ROBO2: variants seen among roughly 807,000 people sequenced by gnomAD.
ROBO2 encodes roundabout homolog 2.
Under a neutral mutation model 160.8 loss-of-function variants are expected in ROBO2, and 53 were observed. The ratio of observed to expected loss-of-function variants is 0.33; its 90% CI spans 0.26 to 0.41. The LOEUF (loss-of-function observed/expected upper bound fraction) is 0.41. Ranked by LOEUF, ROBO2 falls within the 10% of genes least tolerant of loss-of-function variation. The pLI is 1.00. For synonymous variants in ROBO2, 664 were observed against 611.7 expected (o/e 1.09, Z -1.26); for missense variants, 1,577 against 1,722.4 (o/e 0.92, Z 1.49).
At chr3:76,398,234 C>G (rs1354130158) in intron 2 of ROBO2, among the ~76,000 whole-genome samples, 1 of 148,226 alleles carries the variant, frequency 6.7e-6, no homozygotes, top group African/African-American at 2.5e-5. Context: ...GAGAAAAAAC[C>G]AAACACTGCA....
intron 2 of ROBO2, among the ~76,000 whole-genome samples, chr3:76,166,107 A>G (rs77061009): frequency 0.041 from 6,227 of 152,096 alleles, 163 homozygotes; most frequent in African/African-American, 0.068. Flanking sequence ...CATACTATTG[A>G]AAAAAAATAG....
chr3:76,128,936 T>A (rs1208739248), intron 2 of ROBO2, among the ~76,000 whole-genome samples: 1 of 152,100 alleles, frequency 6.6e-6, no homozygotes, highest in East Asian at 1.9e-4. Flanking sequence ...AACTTGTGAA[T>A]AATCATTTTT....
intron 2 of ROBO2, among the ~76,000 whole-genome samples, chr3:77,244,605 C>T (rs184760122): frequency 4.3e-4 from 66 of 152,130 alleles, no homozygotes; most frequent in Non-Finnish European, 6.9e-4. Flanking sequence ...TAAGGCCAGG[C>T]GCGGTGGCTC....
At chr3:76,577,745 T>G (rs575495144) in intron 2 of ROBO2, among the ~76,000 whole-genome samples, 1 of 152,294 alleles carries the variant, frequency 6.6e-6, no homozygotes, top group South Asian at 2.1e-4. Context: ...TAGCATTTAT[T>G]TGGGTAATCT....
intron 2 of ROBO2, among the ~76,000 whole-genome samples, chr3:77,007,585 G>T (rs2061648473): frequency 6.6e-6 from 1 of 151,944 alleles, no homozygotes; most frequent in South Asian, 2.1e-4. Context: ...CTGCAATGTG[G>T]GTTTCTTAAA....
intron 2 of ROBO2, among the ~76,000 whole-genome samples, chr3:75,981,568 C>T (rs1257271490): frequency 8.2e-6 from 1 of 122,532 alleles, no homozygotes; most frequent in African/African-American, 2.7e-5. Context: ...TGATATTACA[C>T]AAGTACTGTA....
At chr3:76,124,645 T>C (rs1389350783) in intron 2 of ROBO2, among the ~76,000 whole-genome samples, 1 of 152,128 alleles carries the variant, frequency 6.6e-6, no homozygotes, top group Non-Finnish European at 1.5e-5. Context: ...GCTGGACTTC[T>C]ATGCAATGAG....
intron 2 of ROBO2, among the ~76,000 whole-genome samples, chr3:76,027,991 A>AGT (rs2066798794): frequency 1.3e-5 from 2 of 151,962 alleles, no homozygotes; most frequent in South Asian, 4.1e-4. Context: ...AGGATAGATT[A>AGT]ATATGGCTAA....
intron 2 of ROBO2, among the ~76,000 whole-genome samples, chr3:77,294,917 C>T (rs1357281323): frequency 5.3e-5 from 8 of 151,168 alleles, no homozygotes; most frequent in Non-Finnish European, 1.0e-4. Flanking sequence ...GGCTAGATCA[C>T]CCCAGACATA....
intron 2 of ROBO2, among the ~76,000 whole-genome samples, chr3:77,445,342 C>T (rs952710775): frequency 1.3e-5 from 2 of 152,126 alleles, no homozygotes; most frequent in Middle Eastern, 3.2e-3. Flanking sequence ...ATAATTGTCA[C>T]TTACCTCAAA....
chr3:76,492,599 CCTTT>C (rs1200641193), intron 2 of ROBO2, among the ~76,000 whole-genome samples: 1 of 151,852 alleles, frequency 6.6e-6, no homozygotes, highest in East Asian at 1.9e-4. Context: ...CAACTCAGTT[CCTTT>C]GTTTCTGAGT....
chr3:77,069,430 G>A (rs560449700), intron 1 of ROBO2, among the ~76,000 whole-genome samples: 42 of 152,224 alleles, frequency 2.8e-4, no homozygotes, highest in African/African-American at 8.2e-4. Context: ...ACAAAGGAAC[G>A]AAATTGGAGT....
At chr3:76,869,006 T>C (rs925303360) in intron 2 of ROBO2, among the ~76,000 whole-genome samples, 2 of 152,186 alleles carry the variant, frequency 1.3e-5, no homozygotes, top group Admixed American at 6.5e-5. Flanking sequence ...ATAACACTTA[T>C]TAAACATCAT....
intron 2 of ROBO2, among the ~76,000 whole-genome samples, chr3:77,396,119 T>C (rs1334768755): frequency 2.0e-5 from 3 of 152,010 alleles, no homozygotes; most frequent in Non-Finnish European, 4.4e-5. Flanking sequence ...CATCCATCCC[T>C]GAGTTAAAAT....
chr3:76,107,818 A>G (rs556174656), intron 2 of ROBO2, among the ~76,000 whole-genome samples: 2 of 152,208 alleles, frequency 1.3e-5, no homozygotes, highest in Non-Finnish European at 2.9e-5. Context: ...TTTTTCCCAC[A>G]TGAATGAATT....
chr3:76,430,201 A>G (rs771020719), intron 2 of ROBO2, among the ~76,000 whole-genome samples: 4 of 152,146 alleles, frequency 2.6e-5, no homozygotes, highest in East Asian at 1.9e-4. Context: ...TGTAGAATCT[A>G]TCAAGGTTTC....
intron 2 of ROBO2, among the ~76,000 whole-genome samples, chr3:77,284,436 A>T (rs772938829): frequency 7.2e-5 from 11 of 152,146 alleles, no homozygotes; most frequent in Admixed American, 5.2e-4. Context: ...AAATGGGATA[A>T]TATAAGCTGT....
At chr3:77,175,062 T>C (rs1426349887) in intron 2 of ROBO2, among the ~76,000 whole-genome samples, 2 of 152,070 alleles carry the variant, frequency 1.3e-5, no homozygotes, top group Non-Finnish European at 2.9e-5. Context: ...AATTTATAAC[T>C]CATATTTTTC....
intron 2 of ROBO2, among the ~76,000 whole-genome samples, chr3:76,953,914 T>C (rs1201096792): frequency 1.3e-5 from 2 of 152,196 alleles, no homozygotes; most frequent in South Asian, 2.1e-4. Flanking sequence ...AGAGTAAGTC[T>C]CTACTCAAAA....
Sources: gnomAD v4.1 joint callset for allele counts (sites outside exome capture counted in the v4.1 genomes callset) on GRCh38, gnomAD v4.1.1 for gene constraint, MANE v1.5 for transcripts, NCBI Gene and HGNC (gene_info 2026-07-23, HGNC 2026-07-21) for gene names.